Variants in RIMBP2 observed in about 807,000 individuals in gnomAD.
RIMBP2 encodes RIMS-binding protein 2.
Under a neutral mutation model 118.6 loss-of-function variants are expected in RIMBP2, and 48 were observed. The ratio of observed to expected loss-of-function variants is 0.40; its 90% confidence interval spans 0.32 to 0.51. RIMBP2 has a LOEUF of 0.51. Among genes scored for constraint, RIMBP2 ranks in the 20% least tolerant of loss-of-function variants. The pLI is 0.41. For missense variants in RIMBP2, 1,551 were observed against 1,768.3 expected, an observed-to-expected ratio of 0.88 and a Z score of 2.20; for synonymous variants, 762 against 742.9, an observed-to-expected ratio of 1.03 and a Z score of -0.42.
chr12:130,538,127 T>C lies in RIMBP2; in HGVS notation c.-216-20210A>G, dbSNP rs567288055. 4.9e-3 allele frequency among the ~76,000 whole-genome samples: 753 copies of C among 152,298 alleles called. 3 individuals are homozygous for C. Among genetic ancestry groups the C allele is most frequent in the African/African-American group, 0.017 (705 of 41,564 alleles). ...GAAGGAGATGATCCAAGATGGCAGC[T>C]CGTGACTGCATTTGACCGTGGAGAT... On this transcript the variant is annotated intron_variant, in intron 2 of 22. Transcript: ENST00000690449.
intron 4 of RIMBP2, among the ~76,000 whole-genome samples, chr12:130,485,680 T>C (rs4759698): frequency 0.96 from 145,633 of 152,246 alleles, 69,998 homozygotes; most frequent in East Asian, 1. Context: ...GAGAGGAGGG[T>C]GCCACCTTCC....
intron 6 of RIMBP2, among the ~76,000 whole-genome samples, chr12:130,457,366 C>G (rs994794474): frequency 1.3e-5 from 2 of 152,218 alleles, no homozygotes; most frequent in Non-Finnish European, 2.9e-5. Context: ...GGGACACGCA[C>G]AGGAAAGGGG....
At chr12:130,510,710 C>A (rs2050826874) in intron 3 of RIMBP2, among the ~76,000 whole-genome samples, 1 of 152,200 alleles carries the variant, frequency 6.6e-6, no homozygotes, top group African/African-American at 2.4e-5. Flanking sequence ...CTCAAGTGAT[C>A]TGCCCACTTC....
chr12:130,559,721 G>A (rs559060310), intron 2 of RIMBP2, among the ~76,000 whole-genome samples: 5 of 152,264 alleles, frequency 3.3e-5, no homozygotes, highest in South Asian at 2.1e-4. Flanking sequence ...CTGGAGCTCC[G>A]TGAGACCACA....
intron 1 of RIMBP2, among the ~76,000 whole-genome samples, chr12:130,656,885 G>A (rs969458823): frequency 1.3e-5 from 2 of 151,934 alleles, no homozygotes; most frequent in African/African-American, 4.8e-5. Flanking sequence ...CTCCAGCCTG[G>A]GCAACAGAAT....
At chr12:130,430,890 CA>C (rs1195153226) in intron 14 of RIMBP2, among the ~76,000 whole-genome samples, 1 of 152,164 alleles carries the variant, frequency 6.6e-6, no homozygotes, top group Admixed American at 6.5e-5. Flanking sequence ...CTTGGCCTCC[CA>C]AAGTGCTGGG....
intron 1 of RIMBP2, among the ~76,000 whole-genome samples, chr12:130,706,627 G>A (rs2066135541): frequency 6.6e-6 from 1 of 152,260 alleles, no homozygotes; most frequent in African/African-American, 2.4e-5. Flanking sequence ...GTGAATCTTG[G>A]CTGCTCCACT....
intron 5 of RIMBP2, among the ~76,000 whole-genome samples, chr12:130,478,390 T>C (rs1251368253): frequency 6.6e-6 from 1 of 152,186 alleles, no homozygotes; most frequent in Non-Finnish European, 1.5e-5. Context: ...ACACGGCGCC[T>C]GGTGTGGATG....
At position 130,690,004 on chromosome 12, in the gene RIMBP2, G is replaced by A. The variant is rs556723026; in HGVS notation, c.-352+26218C>T. ...TCAGGCTGTGGGAGTTAAGCGCCTC[G>A]CAATTGCAGAGCTGAGGCCCCGTGT... is the stretch of plus-strand genomic sequence containing the variant. On this transcript the variant is annotated intron_variant, in intron 1 of 22. Transcript: ENST00000690449. Among the ~76,000 whole-genome samples, 62 of 152,142 alleles carry A rather than the reference G, an allele frequency of 4.1e-4. 1 individual carries two copies. Among genetic ancestry groups the A allele is most frequent in the Admixed American group, 9.2e-4 (14 of 15,272 alleles).
At chr12:130,415,921 T>A (rs891469054) in intron 17 of RIMBP2, among the ~76,000 whole-genome samples, 13 of 151,882 alleles carry the variant, frequency 8.6e-5, no homozygotes, top group African/African-American at 3.1e-4. Context: ...TTGTTCAAGC[T>A]GAGAGCCAAA....
At chr12:130,481,030 G>A (rs1246865344) in intron 4 of RIMBP2, among the ~76,000 whole-genome samples, 3 of 152,120 alleles carry the variant, frequency 2.0e-5, no homozygotes, top group African/African-American at 4.8e-5. Flanking sequence ...CTCAGCCTGA[G>A]CTGGAAAGAG....
At chr12:130,498,923 T>A (rs185347574) in intron 4 of RIMBP2, among the ~76,000 whole-genome samples, 1 of 152,242 alleles carries the variant, frequency 6.6e-6, no homozygotes, top group Non-Finnish European at 1.5e-5. Context: ...ATTTTGGGGT[T>A]GCATTAGTCC....
chr12:130,415,544 G>T (rs2076045484), intron 17 of RIMBP2, among the ~76,000 whole-genome samples: 1 of 152,214 alleles, frequency 6.6e-6, no homozygotes, highest in East Asian at 1.9e-4. Flanking sequence ...GAGTGCTATA[G>T]CCAGAGCAGT....
chr12:130,412,576 G>A lies in RIMBP2; in HGVS notation c.3589+43C>T, dbSNP rs58155049. The stretch of plus-strand genomic sequence containing the variant: ...CTCTCTGAGCGGCAGGTGTTTTGTG[G>A]GATAAAATGCACAGGGAAGGTCGAA... On this transcript the variant is annotated intron_variant, in intron 19 of 22. Transcript: ENST00000690449. 3,870 of 1,574,132 alleles carry A rather than the reference G, an allele frequency of 2.5e-3. 80 individuals are homozygous for A. In the African/African-American group the frequency reaches 0.046, roughly 19 times the overall value.
In RIMBP2 at chr12:130,420,411, G is replaced by A. The variant is rs2076343425; in HGVS notation, c.3238+2042C>T. On this transcript the variant is annotated intron_variant, in intron 17 of 22. Transcript: ENST00000690449. This position sits in a 1 kb window ranked among gnomAD's most constrained non-coding sequence, Gnocchi z 4.3. The stretch of plus-strand genomic sequence containing the variant: ...GAGGCTTTTTCCTTGTTAAGGTGTT[G>A]ACATAGATTTGCTCTTTCACCCAAT... Among the ~76,000 whole-genome samples, 1 of 152,164 alleles carries A rather than the reference G, an allele frequency of 6.6e-6. No individual in the cohort carries two copies. Among genetic ancestry groups the A allele is most frequent in the Non-Finnish European group, 1.5e-5 (1 of 68,038 alleles).
At chr12:130,539,011 G>A (rs559391139) in intron 2 of RIMBP2, among the ~76,000 whole-genome samples, 148 of 152,256 alleles carry the variant, frequency 9.7e-4, no homozygotes, top group Non-Finnish European at 1.9e-3. Flanking sequence ...TGGGGCTGTC[G>A]ATGATCTTCA....
chr12:130,550,608 G>C (rs1306155733), intron 2 of RIMBP2, among the ~76,000 whole-genome samples: 2 of 152,160 alleles, frequency 1.3e-5, no homozygotes, highest in African/African-American at 2.4e-5. Context: ...ATGTTTATGT[G>C]AGTCTAAACG....
chr12:130,629,991 A>G (rs1297305241), intron 1 of RIMBP2, among the ~76,000 whole-genome samples: 1 of 151,518 alleles, frequency 6.6e-6, no homozygotes, highest in African/African-American at 2.4e-5. Context: ...AAAAAAAAAA[A>G]AGCAACAAGT....
chr12:130,599,991 G>T (rs2059775219), intron 2 of RIMBP2, among the ~76,000 whole-genome samples: 1 of 152,120 alleles, frequency 6.6e-6, no homozygotes, highest in African/African-American at 2.4e-5. Flanking sequence ...AAACTGAAAA[G>T]AATGTAACCG....
Sources: gnomAD v4.1 joint callset for allele counts (sites outside exome capture counted in the v4.1 genomes callset) on GRCh38, gnomAD v4.1.1 for gene constraint, Gnocchi (gnomAD v3.1) non-coding constraint, MANE v1.5 for transcripts, NCBI Gene and HGNC (gene_info 2026-07-23, HGNC 2026-07-21) for gene names.